Variants in LCP2 observed in about 807,000 individuals in gnomAD.
LCP2 encodes the protein 76 kDa tyrosine phosphoprotein.
A neutral mutation model predicts 74.5 loss-of-function variants in LCP2; 29 were observed. That is an observed-to-expected ratio of 0.39 (90% CI 0.29 to 0.53). LCP2 has a LOEUF of 0.53. Ranked by LOEUF, LCP2 falls within the 20% of genes least tolerant of loss-of-function variation. The probability of loss-of-function intolerance (pLI) is 0.72; values close to 1 mark genes in which losing one functional copy is unlikely to be tolerated. For missense variants in LCP2, 604 were observed against 634.6 expected (o/e 0.95, Z 0.52); for synonymous variants, 228 against 229.5 (o/e 0.99, Z 0.06).
chr5:170,276,360 T>C (rs1382725565), intron 3 of LCP2, among the ~76,000 whole-genome samples: 4 of 152,124 alleles, frequency 2.6e-5, no homozygotes, highest in Non-Finnish European at 4.4e-5. Flanking sequence ...TATCACAACC[T>C]CTAGTGGGCT....
At chr5:170,259,892 AACTCCC>A (rs2113162152) in intron 14 of LCP2, among the ~76,000 whole-genome samples, 2 of 152,296 alleles carry the variant, frequency 1.3e-5, no homozygotes, top group African/African-American at 4.8e-5. Context: ...CAGAAAACAC[AACTCCC>A]AGATTCTCAT....
chr5:170,275,664 T>A, intron 4 of LCP2, 131 bp downstream of exon 4: 1 of 803,212 alleles, frequency 1.2e-6, no homozygotes, highest in South Asian at 1.7e-5. Flanking sequence ...TTGGACACCA[T>A]CTTCCAGACC....
intron 20 of LCP2, among the ~76,000 whole-genome samples, chr5:170,250,269 G>A (rs938903023): frequency 6.6e-6 from 1 of 152,118 alleles, no homozygotes; most frequent in Non-Finnish European, 1.5e-5. Context: ...TTTCTTTGGC[G>A]ATCTGGCCAT....
At position 170,267,069 on chromosome 5, in the gene LCP2, G is replaced by C. The variant is rs768931109; in HGVS notation, c.628C>G (p.Pro210Ala). Residue 210 changes from proline to alanine, a missense_variant, in exon 9 of 21, where the codon CCC (proline) becomes GCC (alanine). Coordinates refer to ENST00000046794, the MANE Select transcript of LCP2 (RefSeq NM_005565.5). ...TCTTCGTGGTTGGTCTGGGGTGGGG[G>C]CAGTGGCTGCATAAAGATCCAAACG... The part of the protein sequence containing the change: ...PPAGRNHSPL[P>A]PPQTNHEEPS... 2.5e-6 allele frequency: 4 copies of C among 1,613,660 alleles called. No individual in the cohort carries two copies. Among genetic ancestry groups the C allele is most frequent in the African/African-American group, 1.3e-5 (1 of 74,886 alleles).
At chr5:170,269,996 T>C (rs1394491067) in intron 7 of LCP2, among the ~76,000 whole-genome samples, 1 of 152,232 alleles carries the variant, frequency 6.6e-6, no homozygotes, top group East Asian at 1.9e-4. Flanking sequence ...TGGTATTCGT[T>C]TTTTGTGGTA....
intron 20 of LCP2, 78 bp downstream of exon 20, chr5:170,250,652 T>G: frequency 8.6e-7 from 1 of 1,165,726 alleles, no homozygotes; most frequent in East Asian, 2.3e-5. Context: ...GCACGGACTC[T>G]CAAAGATCGC....
chr5:170,272,044 A>G (rs904181166), intron 6 of LCP2, among the ~76,000 whole-genome samples: 2 of 152,210 alleles, frequency 1.3e-5, no homozygotes, highest in Non-Finnish European at 2.9e-5. Flanking sequence ...TTATAACTTT[A>G]GGAGCAGGTG....
In LCP2 at chr5:170,267,055, G is replaced by T. The variant is rs1359806328; in HGVS notation, c.642C>A (p.Thr214=). 1.9e-6 allele frequency: 3 copies of T among 1,613,790 alleles called. No individual in the cohort carries two copies. The highest frequency in any genetic ancestry group is 2.5e-6 in the Non-Finnish European group (3 of 1,179,880). ...RNHSPLPPPQ[T]NHEEPSRSRN... ...TGCTTCTGCTGGGTTCTTCGTGGTT[G>T]GTCTGGGGTGGGGGCAGTGGCTGCA... Residue 214 remains threonine, a synonymous_variant, in exon 9 of 21, where the codon ACC becomes ACA. Coordinates refer to ENST00000046794, the MANE Select transcript of LCP2 (RefSeq NM_005565.5).
chr5:170,268,896 T>A (rs1761833207), intron 7 of LCP2, among the ~76,000 whole-genome samples: 1 of 152,182 alleles, frequency 6.6e-6, no homozygotes, highest in Admixed American at 6.5e-5. Flanking sequence ...CACACATGCA[T>A]ATATATGCAC....
At chr5:170,262,213 G>T (rs1027330253) in intron 13 of LCP2, among the ~76,000 whole-genome samples, 2 of 152,136 alleles carry the variant, frequency 1.3e-5, no homozygotes, top group African/African-American at 2.4e-5. Context: ...ATCAAATGTG[G>T]TTGAGCAGTA....
At position 170,247,667 on chromosome 5, in the gene LCP2, C is replaced by CTT. The variant is rs1761328761; in HGVS notation, c.*1028_*1029dup. On this transcript the variant is annotated 3_prime_UTR_variant, in exon 21 of 21. Coordinates refer to ENST00000046794, the MANE Select transcript of LCP2 (RefSeq NM_005565.5). ...GAAAGAGTTTAATTACCTCAAAGCACTTATACAGCCTGTTTGGGAAGGATG... is the reference window on the plus strand; with the variant it reads ...GAAAGAGTTTAATTACCTCAAAGCACTTTTATACAGCCTGTTTGGGAAGGATG... The CTT allele has an allele frequency of 6.6e-6, 1 of 152,140 alleles. No homozygotes were observed. Among genetic ancestry groups the CTT allele is most frequent in the Admixed American group, 6.5e-5 (1 of 15,280 alleles). 9.4% of individuals were successfully genotyped at this position (152,140 alleles called of 1,614,324 possible).
intron 19 of LCP2, chr5:170,251,656 G>A (rs1308202834): frequency 2.2e-6 from 1 of 456,024 alleles, no homozygotes; most frequent in East Asian, 7.0e-5. Context: ...AGTTAATTGA[G>A]CCTGTCAGAA....
chr5:170,274,748 GGGCAGATCATGAGGTCA>G (rs1475123676), intron 5 of LCP2, among the ~76,000 whole-genome samples: 1 of 152,074 alleles, frequency 6.6e-6, no homozygotes, highest in Non-Finnish European at 1.5e-5. Context: ...AGGCCAAGGC[GGGCAGATCATGAGGTCA>G]GGAGATCGAG....
intron 7 of LCP2, chr5:170,270,437 G>A: frequency 2.7e-6 from 1 of 372,722 alleles, no homozygotes; most frequent in Non-Finnish European, 4.8e-6. Context: ...GTTCAATGCT[G>A]ATATCAGCCA....
chr5:170,286,429 G>T (rs1200708928), intron 3 of LCP2, among the ~76,000 whole-genome samples: 1 of 152,216 alleles, frequency 6.6e-6, no homozygotes, highest in Admixed American at 6.5e-5. Flanking sequence ...CACCTGTGTG[G>T]AAAGTTCCCT....
At chr5:170,249,377 T>TATATAG (rs1554139302) in intron 20 of LCP2, among the ~76,000 whole-genome samples, 6 of 127,586 alleles carry the variant, frequency 4.7e-5, no homozygotes, top group African/African-American at 1.3e-4. Flanking sequence ...TATATATATA[T>TATATAG]ATATCTACAT....
At chr5:170,268,247 C>A in intron 8 of LCP2, 138 bp downstream of exon 8, 1 of 164,632 alleles carries the variant, frequency 6.1e-6, no homozygotes, top group South Asian at 1.9e-4. Flanking sequence ...TGCCTTTCCC[C>A]AGCCGAGGGA....
intron 19 of LCP2, chr5:170,251,829 C>T (rs1383296363): frequency 3.0e-6 from 1 of 328,004 alleles, no homozygotes; most frequent in East Asian, 7.5e-5. Context: ...CAAAAGTTCT[C>T]CGGGTGATCT....
intron 1 of LCP2, 114 bp from the exon 2 acceptor site, chr5:170,293,486 TC>T: frequency 1.0e-6 from 1 of 964,642 alleles, no homozygotes; most frequent in Non-Finnish European, 1.6e-6. Flanking sequence ...CTAGCCAGGC[TC>T]CCCACTGCCC....
Sources: gnomAD v4.1 joint callset for allele counts (sites outside exome capture counted in the v4.1 genomes callset) on GRCh38, gnomAD v4.1.1 for gene constraint, MANE v1.5 for transcripts, NCBI Gene and HGNC (gene_info 2026-07-23, HGNC 2026-07-21) for gene names.